Variants in PTPRR observed in about 807,000 individuals in gnomAD.
PTPRR encodes the protein protein tyrosine phosphatase receptor type R, also known as receptor-type tyrosine-protein phosphatase R.
Under a neutral mutation model 77.2 loss-of-function variants are expected in PTPRR, and 38 were observed. The observed-to-expected ratio is 0.49, with a 90% CI of 0.38 to 0.65. The LOEUF (loss-of-function observed/expected upper bound fraction) is 0.65. Among genes scored for constraint, PTPRR ranks in the 30% least tolerant of loss-of-function variants. The pLI, the probability that PTPRR is intolerant of heterozygous loss-of-function variation, is 0.00. For synonymous variants in PTPRR, 299 were observed against 283.1 expected, an observed-to-expected ratio of 1.06 and a Z score of -0.57; for missense variants, 744 against 799.2, an observed-to-expected ratio of 0.93 and a Z score of 0.83.
At chr12:70,744,659 A>G (rs578169565) in intron 6 of PTPRR, among the ~76,000 whole-genome samples, 105 of 152,348 alleles carry the variant, frequency 6.9e-4, no homozygotes, top group African/African-American at 2.5e-3. Context: ...CTATTTGCAT[A>G]GGGCATTGTG....
At chr12:70,801,820 A>G (rs1228121442) in intron 2 of PTPRR, among the ~76,000 whole-genome samples, 1 of 152,132 alleles carries the variant, frequency 6.6e-6, no homozygotes. Flanking sequence ...TTTCTTTGGA[A>G]AATCCAGACT....
chr12:70,746,431 A>C (rs915630834), intron 5 of PTPRR, among the ~76,000 whole-genome samples: 7 of 152,186 alleles, frequency 4.6e-5, no homozygotes, highest in Admixed American at 4.6e-4. Flanking sequence ...ATAACCGTAA[A>C]ACACACGTCT....
chr12:70,727,122 G>T (rs1236176931), intron 6 of PTPRR, among the ~76,000 whole-genome samples: 1 of 152,018 alleles, frequency 6.6e-6, no homozygotes, highest in African/African-American at 2.4e-5. Context: ...TCGGTATCGT[G>T]GAAGAAGAAA....
intron 12 of PTPRR, among the ~76,000 whole-genome samples, chr12:70,660,629 C>T (rs1046668569): frequency 3.3e-5 from 5 of 152,174 alleles, no homozygotes; most frequent in Admixed American, 3.3e-4. Flanking sequence ...ACTGATGAGA[C>T]TAAATCAATC....
At chr12:70,908,821 T>A (rs1216303232) in intron 1 of PTPRR, among the ~76,000 whole-genome samples, 1 of 152,168 alleles carries the variant, frequency 6.6e-6, no homozygotes, top group East Asian at 1.9e-4. Context: ...CATTTGAAAT[T>A]AATGGCACTG....
chr12:70,666,050 T>A lies in PTPRR; in HGVS notation c.1498-3445A>T, dbSNP rs112871786. Reference sequence around the variant, plus strand: ...AATATTACTGACATAGGCTCAGAGATTTAAGTACCTTCACCAACATCATAT... The same window carrying A: ...AATATTACTGACATAGGCTCAGAGAATTAAGTACCTTCACCAACATCATAT... On this transcript the variant is annotated intron_variant, in intron 10 of 13. Transcript: ENST00000283228. 1.9e-3 allele frequency among the ~76,000 whole-genome samples: 291 copies of A among 152,282 alleles called. 1 individual carries two copies. The highest frequency in any genetic ancestry group is 4.4e-3 in the Admixed American group (68 of 15,296).
chr12:70,875,131 C>T (rs1388647424), intron 2 of PTPRR, among the ~76,000 whole-genome samples: 1 of 151,710 alleles, frequency 6.6e-6, no homozygotes, highest in Admixed American at 6.6e-5. Flanking sequence ...GTAATATGCA[C>T]CATTAAAAAG....
At chr12:70,839,892 C>G (rs1445156645) in intron 2 of PTPRR, among the ~76,000 whole-genome samples, 1 of 152,166 alleles carries the variant, frequency 6.6e-6, no homozygotes, top group Non-Finnish European at 1.5e-5. Flanking sequence ...AGTGCCTATG[C>G]TGTCCTGAAA....
chr12:70,911,249 T>A lies in PTPRR; in HGVS notation c.58+9084A>T, dbSNP rs144137349. Among the ~76,000 whole-genome samples the A allele has an allele frequency of 1.0e-2, 1,519 of 152,284 alleles. 8 individuals are homozygous for A. Among genetic ancestry groups the A allele is most frequent in the Non-Finnish European group, 0.015 (1,002 of 68,038 alleles). On this transcript the variant is annotated intron_variant, in intron 1 of 13. Transcript: ENST00000283228. ...ACAGCCCAATGGTCTAGAAATTCCATGGGCTACAAATGGTAAATAGGATAG... is the reference window on the plus strand; with the variant it reads ...ACAGCCCAATGGTCTAGAAATTCCAAGGGCTACAAATGGTAAATAGGATAG...
chr12:70,839,844 C>T (rs775883627), intron 2 of PTPRR, among the ~76,000 whole-genome samples: 3 of 152,142 alleles, frequency 2.0e-5, no homozygotes, highest in Non-Finnish European at 4.4e-5. Flanking sequence ...AAATTTCTTT[C>T]TTAGAACCAG....
intron 6 of PTPRR, among the ~76,000 whole-genome samples, chr12:70,711,275 C>G (rs1439685872): frequency 6.6e-6 from 1 of 151,980 alleles, no homozygotes; most frequent in Non-Finnish European, 1.5e-5. Flanking sequence ...TTAGCCTTAG[C>G]AAACTAACAC....
intron 3 of PTPRR, among the ~76,000 whole-genome samples, chr12:70,764,368 T>C (rs1469401723): frequency 6.6e-6 from 1 of 152,140 alleles, no homozygotes; most frequent in Admixed American, 6.5e-5. Flanking sequence ...CCACAGGACC[T>C]AGACTTGAAC....
rs541757339 is a variant in PTPRR, at chr12:70,768,180, G to A, written c.358-3402C>T. Among the ~76,000 whole-genome samples the A allele has an allele frequency of 4.2e-4, 64 of 152,150 alleles. No homozygotes were observed. In the South Asian group the frequency reaches 0.013, roughly 30 times the overall value. ...AACTAAAATCAGAGCAGAACTGAAG[G>A]AAATAGAGACACAAAAAACCCTTCA... On this transcript the variant is annotated intron_variant, in intron 2 of 13. Coordinates refer to ENST00000283228, the MANE Select transcript of PTPRR (RefSeq NM_002849.4).
chr12:70,819,960 A>T (rs1891975691), intron 2 of PTPRR, among the ~76,000 whole-genome samples: 1 of 152,176 alleles, frequency 6.6e-6, no homozygotes, highest in Non-Finnish European at 1.5e-5. Flanking sequence ...AAGATCAACT[A>T]TTTTTTGAAA....
intron 6 of PTPRR, among the ~76,000 whole-genome samples, chr12:70,715,267 A>G (rs1247041859): frequency 6.6e-6 from 1 of 152,168 alleles, no homozygotes; most frequent in African/African-American, 2.4e-5. Flanking sequence ...GAGGGAGTAT[A>G]CGAACAGGGT....
chr12:70,730,224 T>C (rs35734057), intron 6 of PTPRR, among the ~76,000 whole-genome samples: 118,633 of 152,150 alleles, frequency 0.78, 49,770 homozygotes, highest in East Asian at 1. Flanking sequence ...ATATTTAAAT[T>C]AGAAGGCCTG....
chr12:70,860,743 A>C (rs1006602603), intron 2 of PTPRR, among the ~76,000 whole-genome samples: 2 of 152,118 alleles, frequency 1.3e-5, no homozygotes, highest in African/African-American at 4.8e-5. Context: ...CAGGATATTA[A>C]GGTATTTGAG....
intron 2 of PTPRR, among the ~76,000 whole-genome samples, chr12:70,779,051 G>T (rs552271000): frequency 5.9e-4 from 89 of 152,088 alleles, no homozygotes; most frequent in African/African-American, 2.0e-3. Flanking sequence ...TTTCAACCAC[G>T]TTGGCCACTT....
rs142795847 is a variant in PTPRR, at chr12:70,721,472, G to T, written c.1008-20149C>A. Among the ~76,000 whole-genome samples, 323 of 152,274 alleles carry T rather than the reference G, an allele frequency of 2.1e-3. 2 individuals are homozygous for T. The highest frequency in any genetic ancestry group is 7.7e-3 in the African/African-American group (319 of 41,554). On this transcript the variant is annotated intron_variant, in intron 6 of 13. Transcript: ENST00000283228. ...ACGGTGGATAGCTCCTGTCCAAATAGATTATCACACAAATCAAAAGGTGGA... is the reference window on the plus strand; with the variant it reads ...ACGGTGGATAGCTCCTGTCCAAATATATTATCACACAAATCAAAAGGTGGA...
Sources: gnomAD v4.1 joint callset for allele counts (sites outside exome capture counted in the v4.1 genomes callset) on GRCh38, gnomAD v4.1.1 for gene constraint, MANE v1.5 for transcripts, NCBI Gene and HGNC (gene_info 2026-07-23, HGNC 2026-07-21) for gene names.